PDE1B: variants seen among roughly 807,000 people sequenced by gnomAD.
PDE1B encodes dual specificity calcium/calmodulin-dependent 3',5'-cyclic nucleotide phosphodiesterase 1B.
In PDE1B, 13 loss-of-function variants were observed where a neutral mutation model predicts 66.7. That is an observed-to-expected ratio of 0.19 (90% CI 0.13 to 0.31). The LOEUF (loss-of-function observed/expected upper bound fraction) is 0.31, where lower values mean the gene tolerates loss of function less well. Ranked by LOEUF, PDE1B falls within the 10% of genes least tolerant of loss-of-function variation. PDE1B has a pLI of 1.00. For synonymous variants in PDE1B, 230 were observed against 253.9 expected, an observed-to-expected ratio of 0.91 and a Z score of 0.90; for missense variants, 485 against 682.3, an observed-to-expected ratio of 0.71 and a Z score of 3.22.
At position 54,570,309 on chromosome 12, in the gene PDE1B, C is replaced by T. The variant is rs768696930; in HGVS notation, c.546C>T (p.Thr182=). 6.2e-7 allele frequency: 1 copy of T among 1,613,644 alleles called. No individual in the cohort carries two copies. The highest frequency in any genetic ancestry group is 1.3e-5 in the African/African-American group (1 of 74,844). ...NQAADDHALR[T]IVFELLTRHN... ...CAGCAGATGACCATGCCCTGAGGAC[C>T]ATTGTTTTTGAGTTGCTGACTCGGC... is the stretch of plus-strand genomic sequence containing the variant. The change falls in exon 6 of 16, where the codon ACC becomes ACT. Residue 182 remains threonine, a synonymous_variant. Transcript: ENST00000243052.
At chr12:54,550,189 G>C in intron 2 of PDE1B, 3 of 1,408,220 alleles carry the variant, frequency 2.1e-6, no homozygotes, top group Non-Finnish European at 2.8e-6. Flanking sequence ...GTTGGAGCGG[G>C]CTTAGGAGTT....
rs1312576482 is a variant in PDE1B, at chr12:54,549,996, G to T, written c.113+11G>T. ...TAAGCTTCGGTCTCTGTAAGTCCCC[G>T]GCCCGGGAATGGGGGGAAGGGACCT... On this transcript the variant is annotated intron_variant, in intron 2 of 15. Transcript: ENST00000243052. 1 of 1,613,050 alleles carries T rather than the reference G, an allele frequency of 6.2e-7. No individual in the cohort carries two copies. Among genetic ancestry groups the T allele is most frequent in the African/African-American group, 1.3e-5 (1 of 74,920 alleles).
Position 54,576,067 on chromosome 12 carries a change from C to A in PDE1B, c.1343C>A (p.Ala448Glu). The A allele has an allele frequency of 6.2e-7, 1 of 1,612,938 alleles. No individual in the cohort carries two copies. The highest frequency in any genetic ancestry group is 1.1e-5 in the South Asian group (1 of 91,048). ...GCAGAGAAGAGTGTTCAGCCCCTGG[C>A]GGATGAGGACTCCAAGTCTAAAAAC... ...DVAEKSVQPL[A>E]DEDSKSKNQP... Residue 448 changes from alanine (A) to glutamate (E), a missense_variant, in exon 13 of 16, where the codon GCG becomes GAG. Transcript: ENST00000243052.
chr12:54,563,462 A>C (rs192419445), intron 2 of PDE1B, among the ~76,000 whole-genome samples: 2 of 152,314 alleles, frequency 1.3e-5, no homozygotes, highest in Admixed American at 1.3e-4. Context: ...TGAAGTTTGT[A>C]ATTGTAAAGG....
rs766529339 is a variant in PDE1B at position 54,572,755 on chromosome 12, A to G, written c.735+14A>G. 1.9e-6 allele frequency: 3 copies of G among 1,612,768 alleles called. No homozygotes were observed. The highest frequency in any genetic ancestry group is 3.3e-5 in the Admixed American group (2 of 59,994). ...ACAGGGATGGTGGTAGGTGCCCTGG[A>G]GATGATTCTTCTGTGATTCAGGGCC... On this transcript the variant is annotated intron_variant, in intron 7 of 15. Coordinates refer to ENST00000243052, the MANE Select transcript of PDE1B (RefSeq NM_000924.4).
At chr12:54,555,851 A>G (rs1957335732) in intron 2 of PDE1B, among the ~76,000 whole-genome samples, 2 of 151,786 alleles carry the variant, frequency 1.3e-5, no homozygotes, top group African/African-American at 4.8e-5. Flanking sequence ...TCTCTGTCCC[A>G]TTCCTTTTGA....
In PDE1B at chr12:54,569,428, C is replaced by G. The variant is rs1048553891; in HGVS notation, c.410+62C>G. ...AGCTGTGCCCCTCTTTCCCAGCCAC[C>G]CTGGTCTTCCATGACCACCAGCCAT... On this transcript the variant is annotated intron_variant, in intron 4 of 15. Coordinates refer to ENST00000243052, the MANE Select transcript of PDE1B (RefSeq NM_000924.4). This position sits in a 1 kb window ranked among gnomAD's most constrained non-coding sequence, Gnocchi z 4.4. The G allele has an allele frequency of 5.0e-6, 8 of 1,589,308 alleles. No individual in the cohort carries two copies. The highest frequency in any genetic ancestry group is 6.0e-6 in the Non-Finnish European group (7 of 1,164,910).
intron 15 of PDE1B, 158 bp downstream of exon 15, chr12:54,577,503 G>C (rs1957782238): frequency 2.5e-6 from 4 of 1,588,516 alleles, no homozygotes; most frequent in African/African-American, 1.3e-5. Flanking sequence ...AGTGTGGGTG[G>C]AGCAGGGAAA....
At chr12:54,557,600 C>T (rs1350077239) in intron 2 of PDE1B, among the ~76,000 whole-genome samples, 1 of 152,200 alleles carries the variant, frequency 6.6e-6, no homozygotes, top group Non-Finnish European at 1.5e-5. Flanking sequence ...GGGACCAGAC[C>T]CAAATCCTGC....
At chr12:54,570,471 C>T in intron 6 of PDE1B, 114 bp downstream of exon 6, 3 of 721,392 alleles carry the variant, frequency 4.2e-6, no homozygotes, top group Non-Finnish European at 7.6e-6. Flanking sequence ...GTCTCAACAT[C>T]AGGGAAGTCT....
chr12:54,563,351 A>G (rs1381484671), intron 2 of PDE1B, among the ~76,000 whole-genome samples: 1 of 152,260 alleles, frequency 6.6e-6, no homozygotes, highest in Non-Finnish European at 1.5e-5. Context: ...AGGTTCCATT[A>G]GCTTGAGTTG....
At chr12:54,556,153 A>G (rs545902933) in intron 2 of PDE1B, among the ~76,000 whole-genome samples, 1 of 152,304 alleles carries the variant, frequency 6.6e-6, no homozygotes, top group Non-Finnish European at 1.5e-5. Context: ...GAAGTTGAGT[A>G]GCTATTTTCC....
chr12:54,549,645 C>A lies in PDE1B; in HGVS notation c.-141C>A, dbSNP rs1456863251. The A allele has an allele frequency of 4.2e-6, 2 of 476,380 alleles. No homozygotes were observed. The highest frequency in any genetic ancestry group is 3.9e-5 in the Admixed American group (1 of 25,864). The allele number at this position is 476,380 out of a possible 1,614,324, so 29.5% of individuals were successfully genotyped here. A position where few individuals can be genotyped will look rare whatever the true frequency, so the allele number is the denominator to read the frequency against. On this transcript the variant is annotated 5_prime_UTR_variant, in exon 1 of 16. Coordinates refer to ENST00000243052, the MANE Select transcript of PDE1B (RefSeq NM_000924.4). ...GGTAGCGGCAGCAGCAGCGGCGGTG[C>A]GGAGAGCTTGGACTGGGAGCCCAAA...
chr12:54,565,642 A>T (rs1957500524), intron 2 of PDE1B, among the ~76,000 whole-genome samples: 1 of 152,226 alleles, frequency 6.6e-6, no homozygotes. Flanking sequence ...AGGAGGCTGC[A>T]GTGCCGTCCT....
rs752941791 is a variant in PDE1B at position 54,575,230 on chromosome 12, TCTTTGC to T, written c.1185+16_1185+21del. 1 of 1,612,314 alleles carries T rather than the reference TCTTTGC, an allele frequency of 6.2e-7. No individual in the cohort carries two copies. The highest frequency in any genetic ancestry group is 8.5e-7 in the Non-Finnish European group (1 of 1,178,518). ...AATTCTTCCGTCAGGTAGCGTGGCA[TCTTTGC>T]CTTCCCTGTGCCTATGGGGGCCTTC... On this transcript the variant is annotated intron_variant, in intron 11 of 15. Transcript: ENST00000243052. The surrounding 1 kb of genome is among the most constrained non-coding windows in gnomAD (Gnocchi z 4.0).
intron 6 of PDE1B, 52 bp downstream of exon 6, chr12:54,570,409 T>C (rs750662834): frequency 3.0e-6 from 3 of 1,005,054 alleles, no homozygotes; most frequent in South Asian, 1.3e-5. Context: ...ACTCCTCTCA[T>C]GCCTGTTCTA....
intron 2 of PDE1B, among the ~76,000 whole-genome samples, chr12:54,564,915 C>A (rs1174654941): frequency 6.6e-6 from 1 of 152,236 alleles, no homozygotes. Flanking sequence ...AAAGCTGCCT[C>A]CTGAGCCTTG....
chr12:54,568,836 C>T (rs1408120715), intron 3 of PDE1B, among the ~76,000 whole-genome samples: 1 of 152,164 alleles, frequency 6.6e-6, no homozygotes, highest in Non-Finnish European at 1.5e-5. Context: ...ACCTATTTCT[C>T]TTTTCCTTTT....
In PDE1B at chr12:54,575,792, C is replaced by T; in HGVS notation, c.1267+160C>T. ...GGTCCTGGGTTAGGAGGCCAGGGGGCTGCAATGGCAGGAAGGAGCTCTCTG... is the reference window on the plus strand; with the variant it reads ...GGTCCTGGGTTAGGAGGCCAGGGGGTTGCAATGGCAGGAAGGAGCTCTCTG... On this transcript the variant is annotated intron_variant, in intron 12 of 15. Transcript: ENST00000243052. This position sits in a 1 kb window ranked among gnomAD's most constrained non-coding sequence, Gnocchi z 4.0. 1 of 720,374 alleles carries T rather than the reference C, an allele frequency of 1.4e-6. No individual in the cohort carries two copies. The highest frequency in any genetic ancestry group is 2.4e-6 in the Non-Finnish European group (1 of 410,330). 44.6% of individuals were successfully genotyped at this position (720,374 alleles called of 1,614,324 possible).
Sources: allele counts gnomAD v4.1 joint callset (sites outside exome capture counted in the v4.1 genomes callset), GRCh38; gene constraint gnomAD v4.1.1; non-coding constraint Gnocchi (gnomAD v3.1); transcripts MANE v1.5; gene names NCBI Gene and HGNC (gene_info 2026-07-23, HGNC 2026-07-21).